MYO3B: variants seen among roughly 807,000 people sequenced by gnomAD.
The protein encoded by MYO3B is myosin-IIIb.
MYO3B carries 156 observed loss-of-function variants against 174.6 expected under a neutral mutation model. The ratio of observed to expected loss-of-function variants is 0.89; its 90% CI spans 0.78 to 1.02. The LOEUF (loss-of-function observed/expected upper bound fraction) is 1.02. Ranked by LOEUF, MYO3B falls within the 50% of genes least tolerant of loss-of-function variation. The pLI is 0.00. For synonymous variants in MYO3B, 563 were observed against 569.1 expected, an observed-to-expected ratio of 0.99 and a Z score of 0.15; for missense variants, 1,632 against 1,639.4, an observed-to-expected ratio of 1.00 and a Z score of 0.08.
intron 7 of MYO3B, among the ~76,000 whole-genome samples, chr2:170,270,456 T>C (rs1458503052): frequency 1.3e-5 from 2 of 152,218 alleles, no homozygotes; most frequent in Non-Finnish European, 2.9e-5. Flanking sequence ...AATTTGCTCA[T>C]CTCTCAGACT....
chr2:170,181,002 T>A (rs1485708926), intron 1 of MYO3B, among the ~76,000 whole-genome samples: 1 of 152,190 alleles, frequency 6.6e-6, no homozygotes, highest in Non-Finnish European at 1.5e-5. Flanking sequence ...GTAACTATTA[T>A]GATTTATTAG....
At chr2:170,508,604 T>C (rs1575092874) in intron 28 of MYO3B, among the ~76,000 whole-genome samples, 3 of 152,312 alleles carry the variant, frequency 2.0e-5, no homozygotes, top group Admixed American at 2.0e-4. Flanking sequence ...TAAACACTGG[T>C]TTCAGAGCCC....
At chr2:170,606,652 G>A (rs1244699062) in intron 32 of MYO3B, among the ~76,000 whole-genome samples, 1 of 152,198 alleles carries the variant, frequency 6.6e-6, no homozygotes, top group Non-Finnish European at 1.5e-5. Context: ...GATCAATGAT[G>A]AGCATTGCTG....
intron 25 of MYO3B, among the ~76,000 whole-genome samples, chr2:170,476,540 G>C (rs1685330217): frequency 6.6e-6 from 1 of 152,058 alleles, no homozygotes; most frequent in Non-Finnish European, 1.5e-5. Context: ...CTGGAGTTTG[G>C]CTGTCCAGTG....
intron 7 of MYO3B, among the ~76,000 whole-genome samples, chr2:170,305,913 C>G (rs987876370): frequency 1.3e-5 from 2 of 152,012 alleles, no homozygotes; most frequent in African/African-American, 2.4e-5. Flanking sequence ...TGGGTTAAAG[C>G]GATAAACATT....
At chr2:170,432,098 G>C (rs1304141907) in intron 22 of MYO3B, among the ~76,000 whole-genome samples, 1 of 152,146 alleles carries the variant, frequency 6.6e-6, no homozygotes, top group Admixed American at 6.5e-5. Flanking sequence ...ACTGGTTTAC[G>C]TATGTGCTAT....
chr2:170,386,187 A>G lies in MYO3B; in HGVS notation c.1291-2A>G, dbSNP rs1426192944. On this transcript the variant is annotated splice_acceptor_variant, in intron 12 of 34. Coordinates refer to ENST00000408978, the MANE Select transcript of MYO3B (RefSeq NM_138995.5). LOFTEE classifies it high-confidence loss of function. ...CACTTGACGCTCCATTTTCTGTGCC[A>G]GTGCATTGTCATCAGCGGAGAGAGT... 1 of 1,613,112 alleles carries G rather than the reference A, an allele frequency of 6.2e-7. No homozygotes were observed. The highest frequency in any genetic ancestry group is 8.5e-7 in the Non-Finnish European group (1 of 1,179,370).
At chr2:170,516,094 C>T (rs1196737399) in intron 29 of MYO3B, among the ~76,000 whole-genome samples, 1 of 152,114 alleles carries the variant, frequency 6.6e-6, no homozygotes, top group Non-Finnish European at 1.5e-5. Flanking sequence ...GGAGATCCTC[C>T]AAAGATGTGT....
chr2:170,509,065 T>C (rs1687801287), intron 28 of MYO3B, among the ~76,000 whole-genome samples: 1 of 152,172 alleles, frequency 6.6e-6, no homozygotes, highest in Non-Finnish European at 1.5e-5. Context: ...ATAATAATGC[T>C]GTAACTTCAG....
chr2:170,555,938 G>A (rs1691261325), intron 32 of MYO3B, among the ~76,000 whole-genome samples: 1 of 152,136 alleles, frequency 6.6e-6, no homozygotes, highest in East Asian at 1.9e-4. Context: ...GCTCATGCTT[G>A]TAATCCCAGC....
intron 6 of MYO3B, among the ~76,000 whole-genome samples, chr2:170,228,966 A>G (rs1429311918): frequency 1.3e-5 from 2 of 150,498 alleles, no homozygotes; most frequent in African/African-American, 2.5e-5. Context: ...TTTACAAAAA[A>G]AAAAAAAAAA....
In MYO3B at chr2:170,386,221, G is replaced by A. The variant is rs1381672144; in HGVS notation, c.1323G>A (p.Gly441=). 15 of 1,613,536 alleles carry A rather than the reference G, an allele frequency of 9.3e-6. No individual in the cohort carries two copies. In the Admixed American group the frequency reaches 2.3e-4, roughly 25 times the overall value. The change falls in exon 13 of 35, where the codon GGG becomes GGA. Residue 441 remains glycine, a synonymous_variant. Transcript: ENST00000408978. ...TCATCAGCGGAGAGAGTGGCTCTGG[G>A]AAGACAGAAAGCGCCCACCTGATTG... ...CIVISGESGS[G]KTESAHLIVQ...
intron 7 of MYO3B, among the ~76,000 whole-genome samples, chr2:170,325,404 C>T (rs569169340): frequency 1.3e-5 from 2 of 152,232 alleles, no homozygotes; most frequent in Admixed American, 1.3e-4. Context: ...GACGGGGTTT[C>T]ACCATGTTGA....
intron 22 of MYO3B, among the ~76,000 whole-genome samples, chr2:170,416,099 G>A (rs965851927): frequency 2.6e-5 from 4 of 152,108 alleles, no homozygotes; most frequent in East Asian, 3.9e-4. Flanking sequence ...ACAGAGACAC[G>A]CACCAGGAGA....
chr2:170,247,199 CT>C (rs1347535487), intron 7 of MYO3B, among the ~76,000 whole-genome samples: 1 of 152,150 alleles, frequency 6.6e-6, no homozygotes, highest in Non-Finnish European at 1.5e-5. Flanking sequence ...AAAGATATGG[CT>C]TTTAATGTTC....
intron 2 of MYO3B, 48 bp downstream of exon 2, chr2:170,199,439 A>G: frequency 3.0e-6 from 4 of 1,344,908 alleles, no homozygotes; most frequent in Non-Finnish European, 4.0e-6. Flanking sequence ...TTTTATGCAC[A>G]CTGAGTTTTC....
At chr2:170,203,717 G>C (rs955743871) in intron 3 of MYO3B, among the ~76,000 whole-genome samples, 2 of 152,100 alleles carry the variant, frequency 1.3e-5, no homozygotes, top group African/African-American at 4.8e-5. Context: ...ATACTCTGAC[G>C]GACTCAAATG....
intron 30 of MYO3B, among the ~76,000 whole-genome samples, chr2:170,539,931 A>G (rs181922475): frequency 6.6e-6 from 1 of 152,214 alleles, no homozygotes; most frequent in Non-Finnish European, 1.5e-5. Context: ...AACAATTGAT[A>G]ATTTTGGCCT....
intron 29 of MYO3B, among the ~76,000 whole-genome samples, chr2:170,516,432 G>T (rs917730486): frequency 2.0e-5 from 3 of 151,892 alleles, no homozygotes; most frequent in African/African-American, 7.3e-5. Context: ...ACGAGGTCAG[G>T]AGATACAGAC....
Sources: gnomAD v4.1 joint callset for allele counts (sites outside exome capture counted in the v4.1 genomes callset) on GRCh38, gnomAD v4.1.1 for gene constraint, MANE v1.5 for transcripts, NCBI Gene and HGNC (gene_info 2026-07-23, HGNC 2026-07-21) for gene names.